Variants in SPARCL1 observed in about 807,000 individuals in gnomAD.
SPARCL1 encodes the protein SPARC-like protein 1.
A neutral mutation model predicts 67.1 loss-of-function variants in SPARCL1; 52 were observed. The observed-to-expected ratio is 0.78, with a 90% CI of 0.62 to 0.98. The LOEUF is 0.98. Ranked by LOEUF, SPARCL1 falls within the 50% of genes least tolerant of loss-of-function variation. SPARCL1 has a pLI of 0.00. For synonymous variants in SPARCL1, 226 were observed against 267.8 expected (o/e 0.84, Z 1.52); for missense variants, 717 against 782.4 (o/e 0.92, Z 1.00).
chr4:87,510,999 A>G (rs940447604), intron 1 of SPARCL1, among the ~76,000 whole-genome samples: 20 of 152,226 alleles, frequency 1.3e-4, no homozygotes. Flanking sequence ...TCCTGCAGTC[A>G]TTCGCTTGCG....
At chr4:87,486,261 T>C (rs747646858) in intron 7 of SPARCL1, among the ~76,000 whole-genome samples, 49 of 152,172 alleles carry the variant, frequency 3.2e-4, no homozygotes, top group Admixed American at 9.8e-4. Context: ...TTCTGGCCCA[T>C]TTTGTCTTCA....
chr4:87,518,891 A>G (rs1399336507), intron 1 of SPARCL1, among the ~76,000 whole-genome samples: 1 of 152,188 alleles, frequency 6.6e-6, no homozygotes, highest in Admixed American at 6.5e-5. Context: ...GTCCCCAGTA[A>G]AAGGTTGGGA....
intron 1 of SPARCL1, among the ~76,000 whole-genome samples, chr4:87,524,612 C>T (rs1000696214): frequency 6.6e-6 from 1 of 152,180 alleles, no homozygotes; most frequent in African/African-American, 2.4e-5. Context: ...CACATTGTTA[C>T]ATTTTTCCCT....
At chr4:87,491,494 G>A in intron 5 of SPARCL1, 124 bp downstream of exon 5, 1 of 779,558 alleles carries the variant, frequency 1.3e-6, no homozygotes. Flanking sequence ...CATTTCCTTG[G>A]GGAGGACTGG....
At chr4:87,487,732 A>G (rs892662087) in intron 7 of SPARCL1, among the ~76,000 whole-genome samples, 1 of 152,204 alleles carries the variant, frequency 6.6e-6, no homozygotes, top group Non-Finnish European at 1.5e-5. Context: ...AGGTACACCA[A>G]TCAGATGTAG....
intron 7 of SPARCL1, among the ~76,000 whole-genome samples, chr4:87,483,554 A>G: frequency 6.6e-6 from 1 of 152,154 alleles, no homozygotes; most frequent in East Asian, 1.9e-4. Context: ...CATATGTGTG[A>G]ATGCATCTTT....
intron 5 of SPARCL1, 58 bp downstream of exon 5, chr4:87,491,560 G>T: frequency 7.4e-7 from 1 of 1,345,648 alleles, no homozygotes; most frequent in South Asian, 1.2e-5. Context: ...AGCCCAAAGT[G>T]GCAGATTCCA....
chr4:87,508,973 G>A (rs944432911), intron 1 of SPARCL1, among the ~76,000 whole-genome samples: 1 of 146,722 alleles, frequency 6.8e-6, no homozygotes, highest in Non-Finnish European at 1.5e-5. Context: ...CAGGTTGAGG[G>A]CTAAATGTAT....
Position 87,493,667 on chromosome 4 carries a change from G to A in SPARCL1, c.1133C>T (p.Ala378Val). ...TTGCTCCTCAATTTTGAGGTGATAG[G>A]CAATGGATTGAGCTCTCTCGGCCTC... ...FLEAERAQSIAYHLKIEEQRE... is the reference protein window; with the variant it reads ...FLEAERAQSIVYHLKIEEQRE... The change falls in exon 4 of 11, where the codon GCC becomes GTC. Residue 378 changes from alanine (A) to valine (V), a missense_variant. Coordinates refer to ENST00000282470, the MANE Select transcript of SPARCL1 (RefSeq NM_004684.6). 1.2e-6 allele frequency: 2 copies of A among 1,614,020 alleles called. No individual in the cohort carries two copies. The highest frequency in any genetic ancestry group is 1.7e-6 in the Non-Finnish European group (2 of 1,180,006).
chr4:87,488,385 C>T (rs1393450209), intron 7 of SPARCL1, among the ~76,000 whole-genome samples: 2 of 152,164 alleles, frequency 1.3e-5, no homozygotes, highest in African/African-American at 4.8e-5. Flanking sequence ...ACTCAAGGTC[C>T]ATTCTAGACC....
At chr4:87,498,148 C>T (rs962149103) in intron 2 of SPARCL1, among the ~76,000 whole-genome samples, 3 of 152,214 alleles carry the variant, frequency 2.0e-5, no homozygotes, top group Non-Finnish European at 2.9e-5. Context: ...TTTGTGGGAA[C>T]TCCTTTCAGT....
chr4:87,508,889 G>GTATATATATATATATATATATATATA (rs142792848), intron 1 of SPARCL1, among the ~76,000 whole-genome samples: 2 of 138,360 alleles, frequency 1.4e-5, no homozygotes, highest in African/African-American at 2.7e-5. Flanking sequence ...ATGTATATAA[G>GTATATATATATATATATATATATATA]TATATATATA....
At chr4:87,527,820 A>G in intron 1 of SPARCL1, among the ~76,000 whole-genome samples, 1 of 152,146 alleles carries the variant, frequency 6.6e-6, no homozygotes, top group East Asian at 1.9e-4. Context: ...ATCTTATTAA[A>G]TGAACAGAAA....
At position 87,523,272 on chromosome 4, in the gene SPARCL1, A is replaced by AAAG. The variant is rs1553899703; in HGVS notation, c.-12+5772_-12+5773insCTT. On this transcript the variant is annotated intron_variant, in intron 1 of 10. Transcript: ENST00000282470. Reference sequence around the variant, plus strand: ...TGAGACTCTGTCTCAAAAAAAAAAAAAATCTCAAGCAATGCTTATTTTTAT... The same window carrying AAAG: ...TGAGACTCTGTCTCAAAAAAAAAAAAAAGAATCTCAAGCAATGCTTATTTTTAT... Among the ~76,000 whole-genome samples, 13 of 151,850 alleles carry AAAG rather than the reference A, an allele frequency of 8.6e-5. 1 individual carries two copies. Among genetic ancestry groups the AAAG allele is most frequent in the African/African-American group, 2.9e-4 (12 of 41,248 alleles).
chr4:87,480,820 C>CCTTTTTTTTTTTTTTTTTTTTTTTTT (rs59503255), intron 8 of SPARCL1, among the ~76,000 whole-genome samples: 1 of 133,384 alleles, frequency 7.5e-6, no homozygotes, highest in Non-Finnish European at 1.7e-5. Context: ...ATGTTCGCTG[C>CCTTTTTTTTTTTTTTTTTTTTTTTTT]TTTTTTTTTT....
At chr4:87,478,944 T>TA (rs1363185313) in intron 10 of SPARCL1, among the ~76,000 whole-genome samples, 1 of 152,172 alleles carries the variant, frequency 6.6e-6, no homozygotes, top group African/African-American at 2.4e-5. Context: ...AGTTTTGGGT[T>TA]AAAGGATTAT....
chr4:87,479,726 G>A (rs1723730320), intron 9 of SPARCL1, 148 bp from the exon 10 acceptor site: 2 of 710,578 alleles, frequency 2.8e-6, no homozygotes, highest in Non-Finnish European at 4.6e-6. Flanking sequence ...ACGAAATAAA[G>A]TATTTGTGGG....
chr4:87,495,280 C>A, intron 2 of SPARCL1, 153 bp from the exon 3 acceptor site: 1 of 615,544 alleles, frequency 1.6e-6, no homozygotes. Flanking sequence ...AGGATATAAG[C>A]AGATGCCTAG....
At chr4:87,523,260 C>CAA (rs10632447) in intron 1 of SPARCL1, among the ~76,000 whole-genome samples, 76,661 of 139,918 alleles carry the variant, frequency 0.55, 20,910 homozygotes, top group East Asian at 0.72. Flanking sequence ...GACTCTGTCT[C>CAA]AAAAAAAAAA....
Sources: gnomAD v4.1 joint callset for allele counts (sites outside exome capture counted in the v4.1 genomes callset) on GRCh38, gnomAD v4.1.1 for gene constraint, MANE v1.5 for transcripts, NCBI Gene and HGNC (gene_info 2026-07-23, HGNC 2026-07-21) for gene names.